The following GFRA1 variants were observed in gnomAD, a reference collection of about 807,000 sequenced individuals.
GFRA1 encodes GDNF family receptor alpha 1, also known as GDNF family receptor alpha-1.
In GFRA1, 16 loss-of-function variants were observed where a neutral mutation model predicts 51.6. The ratio of observed to expected loss-of-function variants is 0.31; its 90% CI spans 0.21 to 0.47. GFRA1 has a LOEUF of 0.47. GFRA1 is among the 20% of genes least tolerant of loss of function. The probability of loss-of-function intolerance (pLI) is 1.00; values close to 1 mark genes in which losing one functional copy is unlikely to be tolerated. For missense variants in GFRA1, 530 were observed against 594.3 expected, an observed-to-expected ratio of 0.89 and a Z score of 1.13; for synonymous variants, 270 against 241.3, an observed-to-expected ratio of 1.12 and a Z score of -1.10.
At chr10:116,231,834 C>T (rs7908655) in intron 4 of GFRA1, among the ~76,000 whole-genome samples, 59,437 of 152,046 alleles carry the variant, frequency 0.39, 12,684 homozygotes, top group East Asian at 0.54. Flanking sequence ...TAAATCGACC[C>T]GGGCACACAA....
chr10:116,195,554 A>C (rs1446551228), intron 5 of GFRA1, among the ~76,000 whole-genome samples: 1 of 152,188 alleles, frequency 6.6e-6, no homozygotes, highest in Non-Finnish European at 1.5e-5. Flanking sequence ...TATGAATCTA[A>C]TGCCACTGCT....
At chr10:116,157,634 A>C (rs1959286203) in intron 5 of GFRA1, among the ~76,000 whole-genome samples, 1 of 151,256 alleles carries the variant, frequency 6.6e-6, no homozygotes, top group Non-Finnish European at 1.5e-5. Flanking sequence ...TCACCAATCC[A>C]CCCTCTCCTC....
intron 5 of GFRA1, among the ~76,000 whole-genome samples, chr10:116,154,816 G>A (rs1451344701): frequency 1.3e-5 from 2 of 152,188 alleles, no homozygotes; most frequent in African/African-American, 4.8e-5. Flanking sequence ...GTATCTGCCT[G>A]TATATTAGAC....
intron 9 of GFRA1, among the ~76,000 whole-genome samples, chr10:116,075,688 T>C (rs976921775): frequency 1.3e-5 from 2 of 152,156 alleles, no homozygotes; most frequent in African/African-American, 4.8e-5. Flanking sequence ...ACCCTGCACT[T>C]GTTTGCATGA....
At chr10:116,237,467 C>T (rs1265314454) in intron 4 of GFRA1, among the ~76,000 whole-genome samples, 3 of 151,786 alleles carry the variant, frequency 2.0e-5, no homozygotes, top group African/African-American at 7.3e-5. Flanking sequence ...TAGATTCCAG[C>T]CAAAGCTCTT....
intron 5 of GFRA1, among the ~76,000 whole-genome samples, chr10:116,132,583 C>T (rs762194130): frequency 6.6e-6 from 1 of 151,590 alleles, no homozygotes; most frequent in Non-Finnish European, 1.5e-5. Flanking sequence ...TCCTTTCGCC[C>T]GCTAACTTAG....
intron 6 of GFRA1, among the ~76,000 whole-genome samples, chr10:116,118,077 C>T (rs142658274): frequency 6.6e-6 from 1 of 152,190 alleles, no homozygotes; most frequent in Admixed American, 6.5e-5. Flanking sequence ...TTAACAACAA[C>T]CTCTATGTGA....
chr10:116,135,533 T>C (rs573692890), intron 5 of GFRA1, among the ~76,000 whole-genome samples: 1 of 152,320 alleles, frequency 6.6e-6, no homozygotes, highest in African/African-American at 2.4e-5. Context: ...TTTAGTTATT[T>C]CTAAAATATG....
chr10:116,145,184 T>G (rs1171664774), intron 5 of GFRA1, among the ~76,000 whole-genome samples: 1 of 124,460 alleles, frequency 8.0e-6, no homozygotes, highest in Non-Finnish European at 1.7e-5. Context: ...ATTAAAAACT[T>G]ACAACAACAA....
chr10:116,101,253 C>T (rs907564434), intron 6 of GFRA1, among the ~76,000 whole-genome samples: 1 of 152,180 alleles, frequency 6.6e-6, no homozygotes, highest in Non-Finnish European at 1.5e-5. Flanking sequence ...GCTTGAATGT[C>T]CAGTATGGGA....
intron 4 of GFRA1, among the ~76,000 whole-genome samples, chr10:116,238,765 G>T (rs879093023): frequency 2.0e-5 from 3 of 152,036 alleles, no homozygotes; most frequent in Admixed American, 6.5e-5. Flanking sequence ...CTCTTCTTCC[G>T]TGTTTAACTT....
intron 4 of GFRA1, among the ~76,000 whole-genome samples, chr10:116,217,814 G>A (rs1965661376): frequency 6.6e-6 from 1 of 152,180 alleles, no homozygotes; most frequent in South Asian, 2.1e-4. Context: ...AAGACTGAAT[G>A]AGAGATTGCC....
rs1344954675 is a variant in GFRA1 at position 116,059,092 on chromosome 10, C to G, written c.*5306G>C. ...TCTCCTAGGTCACCCTCAAAAACCT[C>G]AGGAGGACACATTCAGGGTCAATAC... On this transcript the variant is annotated 3_prime_UTR_variant, in exon 11 of 11. Coordinates refer to ENST00000355422, the MANE Select transcript of GFRA1 (RefSeq NM_005264.8). 6.6e-6 allele frequency: 1 copy of G among 152,200 alleles called. No homozygotes were observed. The highest frequency in any genetic ancestry group is 6.5e-5 in the Admixed American group (1 of 15,276). 9.4% of individuals were successfully genotyped at this position (152,200 alleles called of 1,614,324 possible). A position where few individuals can be genotyped will look rare whatever the true frequency, so the allele number is the denominator to read the frequency against.
chr10:116,195,590 C>T (rs552095209), intron 5 of GFRA1, among the ~76,000 whole-genome samples: 1 of 152,294 alleles, frequency 6.6e-6, no homozygotes, highest in East Asian at 1.9e-4. Flanking sequence ...GAAGCTCTGG[C>T]GGTAATGCTC....
At chr10:116,112,379 G>A (rs1476173408) in intron 6 of GFRA1, among the ~76,000 whole-genome samples, 2 of 152,090 alleles carry the variant, frequency 1.3e-5, no homozygotes, top group Admixed American at 1.3e-4. Context: ...GTTAGCCCAG[G>A]GACACTGTCA....
chr10:116,207,526 C>CT (rs2134423757), intron 5 of GFRA1, among the ~76,000 whole-genome samples: 1 of 152,256 alleles, frequency 6.6e-6, no homozygotes, highest in South Asian at 2.1e-4. Context: ...CAAAAACCCC[C>CT]TTTCTTTGTT....
chr10:116,238,272 G>A (rs569454088), intron 4 of GFRA1, among the ~76,000 whole-genome samples: 1 of 152,264 alleles, frequency 6.6e-6, no homozygotes, highest in East Asian at 1.9e-4. Flanking sequence ...AACGCCGCCT[G>A]CCAGGTAACC....
At chr10:116,101,340 T>C (rs17094083) in intron 6 of GFRA1, among the ~76,000 whole-genome samples, 24,395 of 152,154 alleles carry the variant, frequency 0.16, 2,344 homozygotes, top group East Asian at 0.37. Flanking sequence ...TGAGCTCTGA[T>C]TGTTTTTCTC....
At chr10:116,090,978 A>T (rs1025409555) in intron 8 of GFRA1, among the ~76,000 whole-genome samples, 8 of 152,354 alleles carry the variant, frequency 5.3e-5, no homozygotes, top group African/African-American at 1.9e-4. Context: ...CTTCAAATTA[A>T]TATAAATGCT....
Sources: allele counts gnomAD v4.1 joint callset (sites outside exome capture counted in the v4.1 genomes callset), GRCh38; gene constraint gnomAD v4.1.1; transcripts MANE v1.5; gene names NCBI Gene and HGNC (gene_info 2026-07-23, HGNC 2026-07-21).